Variants in SACS observed in about 807,000 individuals in gnomAD.
SACS encodes sacsin.
In SACS, 197 loss-of-function variants were observed where a neutral mutation model predicts 348.0. That is an observed-to-expected ratio of 0.57 (90% CI 0.50 to 0.64). The LOEUF is 0.64. SACS is among the 30% of genes least tolerant of loss of function. The pLI is 0.00. For missense variants in SACS, 4,999 were observed against 5,360.8 expected, an observed-to-expected ratio of 0.93 and a Z score of 2.11; for synonymous variants, 1,985 against 1,910.6, an observed-to-expected ratio of 1.04 and a Z score of -1.02.
At chr13:23,347,927 A>ATG (rs1869716887) in intron 9 of SACS, among the ~76,000 whole-genome samples, 2 of 152,198 alleles carry the variant, frequency 1.3e-5, no homozygotes, top group Admixed American at 6.5e-5. Flanking sequence ...TCTTCATAAC[A>ATG]CCCAGAAAAT....
At chr13:23,361,717 C>T (rs758569237) in intron 6 of SACS, among the ~76,000 whole-genome samples, 2 of 151,630 alleles carry the variant, frequency 1.3e-5, no homozygotes, top group Non-Finnish European at 2.9e-5. Flanking sequence ...GCAGAGGCTG[C>T]AGACAGCCAA....
At chr13:23,376,779 C>T (rs1871824967) in intron 2 of SACS, among the ~76,000 whole-genome samples, 1 of 152,200 alleles carries the variant, frequency 6.6e-6, no homozygotes, top group Non-Finnish European at 1.5e-5. Context: ...TGGCTGGGTG[C>T]AGTGACTCAC....
chr13:23,380,781 T>C (rs1177405279), intron 2 of SACS, among the ~76,000 whole-genome samples: 1 of 152,066 alleles, frequency 6.6e-6, no homozygotes, highest in African/African-American at 2.4e-5. Context: ...ACTGTACATA[T>C]CCCCATATGC....
Position 23,332,347 on chromosome 13 carries a change from A to T in SACS, c.11529T>A (p.Gly3843=), listed in dbSNP as rs1883533432. The change falls in exon 10 of 10, where the codon GGT becomes GGA. Residue 3843 remains glycine (G), a synonymous_variant. Coordinates refer to ENST00000382292, the MANE Select transcript of SACS (RefSeq NM_014363.6). ...GTFHQLFKHL[G]TEDIISTKQY... Reference sequence around the variant, plus strand: ...GCTTAGTTGAAATAATATCTTCAGTACCTAAGTGTTTGAACAACTGGTGAA... The same window carrying T: ...GCTTAGTTGAAATAATATCTTCAGTTCCTAAGTGTTTGAACAACTGGTGAA... 1 of 1,613,896 alleles carries T rather than the reference A, an allele frequency of 6.2e-7. No homozygotes were observed. The highest frequency in any genetic ancestry group is 8.5e-7 in the Non-Finnish European group (1 of 1,179,950).
At chr13:23,352,053 T>C (rs1199586866) in intron 9 of SACS, among the ~76,000 whole-genome samples, 1 of 152,144 alleles carries the variant, frequency 6.6e-6, no homozygotes, top group Non-Finnish European at 1.5e-5. Context: ...GAGAAGCAAG[T>C]TGTAGCCACA....
rs1402634697 is a variant in SACS, at chr13:23,332,614, G to T, written c.11262C>A (p.Asn3754Lys). The T allele has an allele frequency of 1.9e-6, 3 of 1,613,410 alleles. No homozygotes were observed. Among genetic ancestry groups the T allele is most frequent in the Non-Finnish European group, 1.7e-6 (2 of 1,179,874 alleles). The stretch of plus-strand genomic sequence containing the variant: ...CATCCAACGTCGTTATGTTGCATAT[G>T]TTTCTGCAGTTATTGATTACCTTAT... ...PLDKVINNCR[N>K]ICNITTLDEE... The change falls in exon 10 of 10, where the codon AAC becomes AAA. Residue 3754 changes from asparagine to lysine, a missense_variant. Around this residue, in one of 6 missense-constraint regions of SACS, gnomAD observed 831 missense variants for 941.8 expected, o/e 0.88. Transcript: ENST00000382292.
At chr13:23,382,211 T>C (rs1872086268) in intron 2 of SACS, among the ~76,000 whole-genome samples, 1 of 152,296 alleles carries the variant, frequency 6.6e-6, no homozygotes, top group Admixed American at 6.5e-5. Context: ...TGGAGTGCAG[T>C]GGTGTGATCT....
At chr13:23,349,551 G>GT (rs1869825049) in intron 9 of SACS, among the ~76,000 whole-genome samples, 1 of 152,198 alleles carries the variant, frequency 6.6e-6, no homozygotes, top group Admixed American at 6.5e-5. Flanking sequence ...AATGCCTGCT[G>GT]TGAGTAAAAT....
At chr13:23,346,380 G>A (rs1000966235) in intron 9 of SACS, among the ~76,000 whole-genome samples, 13 of 152,044 alleles carry the variant, frequency 8.6e-5, no homozygotes, top group Non-Finnish European at 1.5e-5. Context: ...TCCTGACCTC[G>A]TGACCCACCT....
rs1593123765 is a variant in SACS, at chr13:23,333,539, T to C, written c.10337A>G (p.Gln3446Arg). Residue 3446 changes from glutamine (Q) to arginine (R), a missense_variant, in exon 10 of 10, where the codon CAG becomes CGG. Coordinates refer to ENST00000382292, the MANE Select transcript of SACS (RefSeq NM_014363.6). ...IPSAEVEKWTQSSSSAFLEEK... is the reference protein window; with the variant it reads ...IPSAEVEKWTRSSSSAFLEEK... ...TTCAAGAAATGCAGATGATGATGAC[T>C]GTGTCCATTTCTCCACTTCAGCTGA... 7 of 1,613,606 alleles carry C rather than the reference T, an allele frequency of 4.3e-6. No homozygotes were observed. The highest frequency in any genetic ancestry group is 5.1e-6 in the Non-Finnish European group (6 of 1,179,658).
At chr13:23,427,152 G>A (rs1224555323) in intron 1 of SACS, 1 of 152,208 alleles carries the variant, frequency 6.6e-6, no homozygotes, top group African/African-American at 2.4e-5. Context: ...ACCAAACTGA[G>A]CTGTGTTCTA....
chr13:23,365,212 T>C lies in SACS; in HGVS notation c.411A>G (p.Gln137=), dbSNP rs758634388. The change falls in exon 6 of 10, where the codon CAA becomes CAG. Residue 137 remains glutamine (Q), a synonymous_variant. Coordinates refer to ENST00000382292, the MANE Select transcript of SACS (RefSeq NM_014363.6). ...TEVKFLYDET[Q]YGTETLWSKD... is the part of the protein sequence containing the mutation. ...TTGACCAAAGAGTCTCTGTTCCGTATTGAGTTTCATCATATAAAAATTTAA... is the reference window on the plus strand; with the variant it reads ...TTGACCAAAGAGTCTCTGTTCCGTACTGAGTTTCATCATATAAAAATTTAA... 7.4e-6 allele frequency: 12 copies of C among 1,613,034 alleles called. No homozygotes were observed. The highest frequency in any genetic ancestry group is 1.1e-5 in the South Asian group (1 of 90,538).
Position 23,337,567 on chromosome 13 carries a change from C to T in SACS, c.6309G>A (p.Glu2103=). The change falls in exon 10 of 10, where the codon GAG becomes GAA. Residue 2103 remains glutamate (E), a synonymous_variant. Transcript: ENST00000382292. ...RVTPCIPCSL[E]GHPLVLPSRL... Reference sequence around the variant, plus strand: ...TTGATGGCAAAACCAAAGGATGCCCCTCCAAGGAACAAGGAATACATGGAG... The same window carrying T: ...TTGATGGCAAAACCAAAGGATGCCCTTCCAAGGAACAAGGAATACATGGAG... 1 of 1,613,964 alleles carries T rather than the reference C, an allele frequency of 6.2e-7. No individual in the cohort carries two copies. The highest frequency in any genetic ancestry group is 1.1e-5 in the South Asian group (1 of 91,070).
At chr13:23,363,111 G>A (rs1870840682) in intron 6 of SACS, among the ~76,000 whole-genome samples, 2 of 151,584 alleles carry the variant, frequency 1.3e-5, no homozygotes, top group African/African-American at 2.4e-5. Context: ...GTTTCACCAT[G>A]TTGGCCAGGC....
chr13:23,356,145 T>C, intron 7 of SACS, 138 bp from the exon 8 acceptor site: 1 of 716,468 alleles, frequency 1.4e-6, no homozygotes, highest in Non-Finnish European at 2.3e-6. Flanking sequence ...TTAATTTACC[T>C]TCAGAAATGT....
At chr13:23,393,458 G>A (rs370783291) in intron 2 of SACS, among the ~76,000 whole-genome samples, 4 of 152,020 alleles carry the variant, frequency 2.6e-5, no homozygotes, top group African/African-American at 7.2e-5. Context: ...CTCATCACCC[G>A]TGTTCGCTGC....
chr13:23,332,787 G>A lies in SACS; in HGVS notation c.11089C>T (p.Leu3697Phe). 6.2e-7 allele frequency: 1 copy of A among 1,613,944 alleles called. No individual in the cohort carries two copies. The highest frequency in any genetic ancestry group is 8.5e-7 in the Non-Finnish European group (1 of 1,179,964). Reference protein sequence around the residue: ...VNPKFKQCDVLQLLWTSCPIL... With the variant: ...VNPKFKQCDVFQLLWTSCPIL... ...GGGCAGGATGTCCATAACAGCTGGA[G>A]TACATCACATTGCTTGAATTTTGGA... The change falls in exon 10 of 10, where the codon CTC (leucine) becomes TTC (phenylalanine). Residue 3697 changes from leucine to phenylalanine, a missense_variant. Physicochemically the swap from Leu to Phe is conservative, Grantham distance 22. Transcript: ENST00000382292.
intron 1 of SACS, among the ~76,000 whole-genome samples, chr13:23,429,241 A>G (rs531267122): frequency 1.0e-3 from 158 of 152,092 alleles, no homozygotes; most frequent in African/African-American, 3.6e-3. Flanking sequence ...TGAAGGAAAA[A>G]TAATATTCAA....
At chr13:23,398,057 GA>G (rs1483233037) in intron 2 of SACS, among the ~76,000 whole-genome samples, 1 of 151,846 alleles carries the variant, frequency 6.6e-6, no homozygotes, top group African/African-American at 2.4e-5. Context: ...TGGGCGTGGT[GA>G]TGCATGCCTG....
Sources: gnomAD v4.1 joint callset for allele counts (sites outside exome capture counted in the v4.1 genomes callset) on GRCh38, gnomAD v4.1.1 for gene constraint, gnomAD v4.1.1 regional missense constraint, MANE v1.5 for transcripts, NCBI Gene and HGNC (gene_info 2026-07-23, HGNC 2026-07-21) for gene names.